FBXW8: variants seen among roughly 807,000 people sequenced by gnomAD.
FBXW8 encodes F-box/WD repeat-containing protein 8.
A neutral mutation model predicts 65.3 loss-of-function variants in FBXW8; 57 were observed. The ratio of observed to expected loss-of-function variants is 0.87; its 90% confidence interval spans 0.71 to 1.09. FBXW8 has a LOEUF of 1.09. Among genes scored for constraint, FBXW8 ranks in the 50% least tolerant of loss-of-function variants. FBXW8 has a pLI of 0.00. For synonymous variants in FBXW8, 308 were observed against 330.2 expected (o/e 0.93, Z 0.73); for missense variants, 777 against 814.8 (o/e 0.95, Z 0.57).
At chr12:116,952,572 C>T (rs148692564) in intron 4 of FBXW8, among the ~76,000 whole-genome samples, 2,087 of 152,250 alleles carry the variant, frequency 0.014, 28 homozygotes, top group South Asian at 0.057. Flanking sequence ...CTCCTAGAGA[C>T]GGGACCATCT....
intron 8 of FBXW8, among the ~76,000 whole-genome samples, chr12:117,020,325 C>T (rs1954064196): frequency 6.6e-6 from 1 of 151,564 alleles, no homozygotes; most frequent in Non-Finnish European, 1.5e-5. Context: ...TTTGTGTTTC[C>T]CCATTTTTTA....
At chr12:116,991,137 C>T (rs1953230367) in intron 7 of FBXW8, among the ~76,000 whole-genome samples, 1 of 151,600 alleles carries the variant, frequency 6.6e-6, no homozygotes, top group South Asian at 2.1e-4. Flanking sequence ...ATTTTGTGAG[C>T]ATAGCACCAA....
intron 2 of FBXW8, among the ~76,000 whole-genome samples, chr12:116,934,802 A>G (rs1183925756): frequency 2.0e-5 from 3 of 152,198 alleles, no homozygotes; most frequent in Non-Finnish European, 4.4e-5. Flanking sequence ...CTAGTTTTAC[A>G]TGCACTTATT....
chr12:116,920,247 A>T (rs1465964161), intron 1 of FBXW8, among the ~76,000 whole-genome samples: 3 of 152,210 alleles, frequency 2.0e-5, no homozygotes, highest in Admixed American at 6.5e-5. Context: ...ACCTTTTGAA[A>T]TGATGCCTGT....
intron 7 of FBXW8, among the ~76,000 whole-genome samples, chr12:117,004,810 C>T (rs1953637489): frequency 1.3e-5 from 2 of 151,636 alleles, no homozygotes; most frequent in South Asian, 2.1e-4. Context: ...GCTCTCCAGG[C>T]TCCTGACACT....
At chr12:117,016,494 T>G (rs1280803093) in intron 8 of FBXW8, among the ~76,000 whole-genome samples, 1 of 152,108 alleles carries the variant, frequency 6.6e-6, no homozygotes, top group East Asian at 1.9e-4. Flanking sequence ...ATTAGAGTAT[T>G]TTTTTAATAT....
rs965752738 is a variant in FBXW8, at chr12:116,910,971, C to G, written c.-67C>G. The stretch of plus-strand genomic sequence containing the variant: ...GCTTCCGGCCGCGGCGGACACTTCC[C>G]TGGGCGGGACTGTCTCGTGGCACCC... On this transcript the variant is annotated 5_prime_UTR_variant, in exon 1 of 11. Transcript: ENST00000652555. 7.8e-7 allele frequency: 1 copy of G among 1,287,018 alleles called. No individual in the cohort carries two copies. The highest frequency in any genetic ancestry group is 9.8e-7 in the Non-Finnish European group (1 of 1,015,884). The allele number at this position is 1,287,018 out of a possible 1,614,324, so 79.7% of individuals were successfully genotyped here.
intron 5 of FBXW8, among the ~76,000 whole-genome samples, chr12:116,979,937 C>T (rs1023370936): frequency 6.6e-6 from 1 of 152,076 alleles, no homozygotes; most frequent in Admixed American, 6.5e-5. Flanking sequence ...GTCTCCTTGC[C>T]CTGAGGTCCC....
intron 8 of FBXW8, among the ~76,000 whole-genome samples, chr12:117,017,643 T>A (rs970248767): frequency 6.6e-6 from 1 of 152,194 alleles, no homozygotes; most frequent in Non-Finnish European, 1.5e-5. Context: ...TTGATTTCTT[T>A]AAAAAAATAC....
chr12:116,911,761 G>C (rs1879964816), intron 1 of FBXW8, among the ~76,000 whole-genome samples: 1 of 152,124 alleles, frequency 6.6e-6, no homozygotes, highest in African/African-American at 2.4e-5. Flanking sequence ...CCTAAACTTT[G>C]AACAAAGGTT....
intron 2 of FBXW8, among the ~76,000 whole-genome samples, chr12:116,934,384 T>C (rs1290026293): frequency 6.6e-6 from 1 of 152,196 alleles, no homozygotes; most frequent in Non-Finnish European, 1.5e-5. Context: ...AGTTACTTGT[T>C]GGACAGTTCA....
At chr12:116,935,914 T>A (rs1882123727) in intron 2 of FBXW8, among the ~76,000 whole-genome samples, 1 of 152,242 alleles carries the variant, frequency 6.6e-6, no homozygotes, top group Admixed American at 6.5e-5. Context: ...GACTTACACT[T>A]TTATCTCATT....
intron 3 of FBXW8, among the ~76,000 whole-genome samples, chr12:116,947,465 C>T (rs1477316362): frequency 2.0e-5 from 3 of 152,060 alleles, no homozygotes; most frequent in African/African-American, 7.2e-5. Context: ...ACATGAAAGG[C>T]GGCCCGGCAC....
At chr12:117,009,021 C>A (rs539969320) in intron 7 of FBXW8, among the ~76,000 whole-genome samples, 6 of 152,068 alleles carry the variant, frequency 3.9e-5, no homozygotes, top group Non-Finnish European at 8.8e-5. Context: ...GAGCCAAGAT[C>A]GCGGCCACTG....
At chr12:117,024,354 T>C in intron 9 of FBXW8, 34 bp downstream of exon 9, 3 of 1,611,776 alleles carry the variant, frequency 1.9e-6, no homozygotes, top group Non-Finnish European at 2.5e-6. Context: ...TGGGAGTTCC[T>C]AGTAGGAACA....
rs149420525 is a variant in FBXW8 at position 116,940,574 on chromosome 12, C to T, written c.424-4790C>T. On this transcript the variant is annotated intron_variant, in intron 2 of 10. Coordinates refer to ENST00000652555, the MANE Select transcript of FBXW8 (RefSeq NM_153348.3). ...GAGGACCAAATTGGGGTTACTGTTG[C>T]GAGGAAGAGAATGTGAACGGTGAGA... 4.5e-3 allele frequency among the ~76,000 whole-genome samples: 660 copies of T among 146,598 alleles called. 5 individuals are homozygous for T. The highest frequency in any genetic ancestry group is 8.0e-3 in the Non-Finnish European group (539 of 67,272).
chr12:117,015,107 A>G (rs754656208), intron 8 of FBXW8, among the ~76,000 whole-genome samples: 7 of 152,176 alleles, frequency 4.6e-5, no homozygotes, highest in Non-Finnish European at 1.0e-4. Flanking sequence ...TTGTTCCTCT[A>G]GTCAGAAAGA....
At chr12:116,966,365 C>T (rs1884325262) in intron 5 of FBXW8, among the ~76,000 whole-genome samples, 1 of 152,138 alleles carries the variant, frequency 6.6e-6, no homozygotes, top group East Asian at 1.9e-4. Flanking sequence ...CTTTCCCTAC[C>T]ATTCACACAC....
At chr12:117,016,605 C>G (rs1278577768) in intron 8 of FBXW8, among the ~76,000 whole-genome samples, 1 of 150,950 alleles carries the variant, frequency 6.6e-6, no homozygotes, top group East Asian at 1.9e-4. Context: ...CTTTGAAGCA[C>G]ACAAGTTTTC....
Sources: allele counts gnomAD v4.1 joint callset (sites outside exome capture counted in the v4.1 genomes callset), GRCh38; gene constraint gnomAD v4.1.1; transcripts MANE v1.5; gene names NCBI Gene and HGNC (gene_info 2026-07-23, HGNC 2026-07-21).